PPP6R3: variants seen among roughly 807,000 people sequenced by gnomAD.
PPP6R3 encodes serine/threonine-protein phosphatase 6 regulatory subunit 3.
PPP6R3 carries 38 observed loss-of-function variants against 110.7 expected under a neutral mutation model. The observed-to-expected ratio is 0.34, with a 90% CI of 0.26 to 0.45. The LOEUF is 0.45. Ranked by LOEUF, PPP6R3 falls within the 20% of genes least tolerant of loss-of-function variation. The pLI, the probability that PPP6R3 is intolerant of heterozygous loss-of-function variation, is 1.00. For synonymous variants in PPP6R3, 369 were observed against 373.5 expected (o/e 0.99, Z 0.14); for missense variants, 870 against 1,062.4 (o/e 0.82, Z 2.52).
intron 3 of PPP6R3, among the ~76,000 whole-genome samples, chr11:68,541,632 A>G (rs1404955678): frequency 2.0e-5 from 3 of 152,152 alleles, no homozygotes; most frequent in Non-Finnish European, 4.4e-5. Flanking sequence ...TGGTAGGTGG[A>G]CAGAGGACAT....
intron 1 of PPP6R3, among the ~76,000 whole-genome samples, chr11:68,512,896 A>AT (rs2099117665): frequency 6.6e-6 from 1 of 152,108 alleles, no homozygotes; most frequent in Non-Finnish European, 1.5e-5. Flanking sequence ...CTATTTTGTA[A>AT]TTGATAATAC....
chr11:68,611,035 T>C (rs1047149665), intron 23 of PPP6R3, among the ~76,000 whole-genome samples: 2 of 152,218 alleles, frequency 1.3e-5, no homozygotes, highest in African/African-American at 2.4e-5. Flanking sequence ...TTTTTTTGCA[T>C]ATAAAACAAA....
intron 9 of PPP6R3, among the ~76,000 whole-genome samples, chr11:68,566,456 G>A (rs756271755): frequency 6.6e-6 from 1 of 151,888 alleles, no homozygotes; most frequent in Non-Finnish European, 1.5e-5. Flanking sequence ...ACTTCCGCAG[G>A]CCCAGGTGAT....
intron 1 of PPP6R3, among the ~76,000 whole-genome samples, chr11:68,491,772 C>T (rs987010643): frequency 3.3e-5 from 5 of 152,108 alleles, no homozygotes; most frequent in Non-Finnish European, 7.3e-5. Context: ...AACACAGTAG[C>T]CATTAAATCA....
intron 1 of PPP6R3, among the ~76,000 whole-genome samples, chr11:68,485,349 A>C (rs1295377608): frequency 9.3e-6 from 1 of 107,994 alleles, no homozygotes. Flanking sequence ...GTTTTATTTT[A>C]TGCTTTCCAA....
chr11:68,583,004 T>C lies in PPP6R3; in HGVS notation c.1546-39T>C, dbSNP rs1397513590. The stretch of plus-strand genomic sequence containing the variant: ...ATGCTGATACAAATGTCCAAAACTT[T>C]TCTATGTTAAATAGTCTTTTACATT... On this transcript the variant is annotated intron_variant, in intron 14 of 23. Coordinates refer to ENST00000393800, the MANE Select transcript of PPP6R3 (RefSeq NM_001164161.2). 58 of 1,360,964 alleles carry C rather than the reference T, an allele frequency of 4.3e-5. No homozygotes were observed. The Admixed American group carries it at 1.5e-3, about 36-fold the overall frequency. The allele number at this position is 1,360,964 out of a possible 1,614,324, so 84.3% of individuals were successfully genotyped here.
intron 3 of PPP6R3, among the ~76,000 whole-genome samples, chr11:68,543,416 T>TTC (rs397795915): frequency 1.3e-5 from 2 of 151,418 alleles, no homozygotes; most frequent in Admixed American, 6.6e-5. Context: ...TTTTTTTTTT[T>TTC]CCTTTTCTGT....
chr11:68,612,832 C>A, intron 23 of PPP6R3: 1 of 749,428 alleles, frequency 1.3e-6, no homozygotes, highest in Non-Finnish European at 2.0e-6. Context: ...AGCATTTGCT[C>A]TGCTGCTGCC....
At chr11:68,592,541 G>T (rs995282286) in intron 18 of PPP6R3, among the ~76,000 whole-genome samples, 1 of 152,162 alleles carries the variant, frequency 6.6e-6, no homozygotes, top group African/African-American at 2.4e-5. Context: ...GTTGCCACAG[G>T]TTATAGCAGA....
intron 19 of PPP6R3, among the ~76,000 whole-genome samples, chr11:68,597,358 G>A (rs891424792): frequency 2.0e-5 from 3 of 152,192 alleles, no homozygotes; most frequent in Non-Finnish European, 2.9e-5. Context: ...TGCATGGCTC[G>A]GGGATGAGGT....
At chr11:68,478,954 C>T (rs1396008175) in intron 1 of PPP6R3, among the ~76,000 whole-genome samples, 1 of 152,030 alleles carries the variant, frequency 6.6e-6, no homozygotes, top group Non-Finnish European at 1.5e-5. Flanking sequence ...CCATGCCCGG[C>T]CAGTCTGAAC....
At chr11:68,505,428 G>A (rs2099070694) in intron 1 of PPP6R3, among the ~76,000 whole-genome samples, 1 of 152,146 alleles carries the variant, frequency 6.6e-6, no homozygotes, top group Admixed American at 6.5e-5. Flanking sequence ...ATTCATCTAA[G>A]ATTACAGGCC....
intron 18 of PPP6R3, 57 bp downstream of exon 18, chr11:68,591,763 T>C: frequency 6.5e-7 from 1 of 1,542,056 alleles, no homozygotes; most frequent in Non-Finnish European, 8.7e-7. Flanking sequence ...AAAATGATTA[T>C]CATGAGACAT....
intron 21 of PPP6R3, among the ~76,000 whole-genome samples, chr11:68,602,691 C>A (rs1248714476): frequency 1.3e-5 from 2 of 152,174 alleles, no homozygotes; most frequent in Non-Finnish European, 2.9e-5. Flanking sequence ...TTTCATCATC[C>A]TCCTGAACAT....
intron 2 of PPP6R3, among the ~76,000 whole-genome samples, chr11:68,520,866 G>A (rs1048398428): frequency 6.6e-6 from 1 of 152,100 alleles, no homozygotes; most frequent in South Asian, 2.1e-4. Context: ...CCACCTCCCG[G>A]GTTCAAGCGA....
At chr11:68,568,421 A>G (rs1347732815) in intron 10 of PPP6R3, among the ~76,000 whole-genome samples, 3 of 152,194 alleles carry the variant, frequency 2.0e-5, no homozygotes, top group Non-Finnish European at 4.4e-5. Flanking sequence ...TTACTTCTTC[A>G]TTTTGAGATT....
intron 16 of PPP6R3, among the ~76,000 whole-genome samples, chr11:68,588,873 T>G (rs1470750846): frequency 6.6e-6 from 1 of 152,160 alleles, no homozygotes; most frequent in Non-Finnish European, 1.5e-5. Context: ...GTCACTGTTC[T>G]TAATTCTAGC....
Position 68,586,050 on chromosome 11 carries a change from G to A in PPP6R3, c.1633-1877G>A, listed in dbSNP as rs367685421. The stretch of plus-strand genomic sequence containing the variant: ...GGCTGAGGTAGGAGGATTACTAGGA[G>A]GTAGGAGTCTAGGAGTTTGAGTCTA... On this transcript the variant is annotated intron_variant, in intron 15 of 23. Transcript: ENST00000393800. Among the ~76,000 whole-genome samples the A allele has an allele frequency of 3.9e-5, 6 of 152,170 alleles. No individual in the cohort carries two copies. The East Asian group carries it at 7.7e-4, about 20-fold the overall frequency.
chr11:68,493,615 CCA>C (rs2098996966), intron 1 of PPP6R3, among the ~76,000 whole-genome samples: 2 of 68,478 alleles, frequency 2.9e-5, no homozygotes, highest in Admixed American at 1.5e-4. Flanking sequence ...AAAAACAAAA[CCA>C]TATATATATA....
Sources: gnomAD v4.1 joint callset for allele counts (sites outside exome capture counted in the v4.1 genomes callset) on GRCh38, gnomAD v4.1.1 for gene constraint, MANE v1.5 for transcripts, NCBI Gene and HGNC (gene_info 2026-07-23, HGNC 2026-07-21) for gene names.